CHLSN: variants seen among roughly 807,000 people sequenced by gnomAD.
The protein encoded by CHLSN is protein cholesin.
At chr7:1,084,669 G>A in the CHLSN span, among the ~76,000 whole-genome samples, 1 of 152,234 alleles carries the variant, frequency 6.6e-6, no homozygotes, top group Non-Finnish European at 1.5e-5. Context: ...GACAAGGGGT[G>A]TGTGGGATCT....
chr7:1,131,661 G>C, the CHLSN span, among the ~76,000 whole-genome samples: 2 of 152,194 alleles, frequency 1.3e-5, no homozygotes, highest in South Asian at 2.1e-4. Context: ...AAAGACAAGA[G>C]ACCATGCCAG....
At chr7:1,004,832 A>G in the CHLSN span, among the ~76,000 whole-genome samples, 1 of 152,186 alleles carries the variant, frequency 6.6e-6, no homozygotes, top group Non-Finnish European at 1.5e-5. Context: ...AAGGAAAGAG[A>G]GCAGTCAGAG....
At chr7:1,120,038 G>A in the CHLSN span, among the ~76,000 whole-genome samples, 1 of 151,868 alleles carries the variant, frequency 6.6e-6, no homozygotes, top group Non-Finnish European at 1.5e-5. Flanking sequence ...GAAAAAAACA[G>A]AAGTCATAAA....
chr7:1,060,922 G>A, the CHLSN span, among the ~76,000 whole-genome samples: 4 of 152,200 alleles, frequency 2.6e-5, no homozygotes, highest in South Asian at 4.1e-4. Flanking sequence ...AGCGGCTGGC[G>A]CCGTCAGCCC....
At chr7:994,940 C>T in the CHLSN span, among the ~76,000 whole-genome samples, 3 of 152,262 alleles carry the variant, frequency 2.0e-5, no homozygotes, top group Non-Finnish European at 4.4e-5. Context: ...GATCCGCCAC[C>T]TGGCTTGCTG....
At chr7:978,422 G>A in the CHLSN span, among the ~76,000 whole-genome samples, 2 of 152,184 alleles carry the variant, frequency 1.3e-5, no homozygotes, top group Non-Finnish European at 2.9e-5. Flanking sequence ...AGAGGCTGAG[G>A]TGGGAGGATC....
chr7:1,005,440 G>A, the CHLSN span, among the ~76,000 whole-genome samples: 1 of 152,260 alleles, frequency 6.6e-6, no homozygotes, highest in African/African-American at 2.4e-5. Flanking sequence ...GGAACTGCCA[G>A]CCGCGGTGAG....
the CHLSN span, chr7:983,510 C>G: frequency 2.0e-6 from 2 of 985,674 alleles, no homozygotes; most frequent in Non-Finnish European, 2.7e-6. Flanking sequence ...CAGCGGGGCA[C>G]GCAGGAGGCC....
At chr7:1,055,538 G>T in the CHLSN span, 1 of 435,562 alleles carries the variant, frequency 2.3e-6, no homozygotes, top group Admixed American at 2.4e-5. Context: ...GCTCTGTGCA[G>T]TACAGGCAGG....
At chr7:1,032,162 G>C in the CHLSN span, among the ~76,000 whole-genome samples, 1 of 152,200 alleles carries the variant, frequency 6.6e-6, no homozygotes, top group Non-Finnish European at 1.5e-5. Flanking sequence ...ATGCAGGGTA[G>C]ATGGGCCCCA....
At chr7:983,199 C>T in the CHLSN span, 22 of 1,477,666 alleles carry the variant, frequency 1.5e-5, no homozygotes, top group Non-Finnish European at 2.0e-5. Flanking sequence ...GGAGCCTCAC[C>T]AGCCACGTCC....
chr7:995,193 C>A, the CHLSN span, among the ~76,000 whole-genome samples: 8 of 152,260 alleles, frequency 5.3e-5, no homozygotes, highest in African/African-American at 1.9e-4. Context: ...GGTGCCCTCA[C>A]TGACCTGCAC....
the CHLSN span, among the ~76,000 whole-genome samples, chr7:1,096,006 G>C: frequency 6.6e-6 from 1 of 152,194 alleles, no homozygotes; most frequent in Non-Finnish European, 1.5e-5. This position sits in a 1 kb window ranked among gnomAD's most constrained non-coding sequence, Gnocchi z 4.6. Flanking sequence ...CGTCTGAACA[G>C]AGCCCCAGGC....
At chr7:1,107,582 A>C in the CHLSN span, among the ~76,000 whole-genome samples, 2 of 152,270 alleles carry the variant, frequency 1.3e-5, no homozygotes, top group African/African-American at 4.8e-5. Context: ...AAGCTCAGTC[A>C]ACAAGACAGA....
At chr7:979,735 A>G in the CHLSN span, among the ~76,000 whole-genome samples, 1 of 130,364 alleles carries the variant, frequency 7.7e-6, no homozygotes, top group Admixed American at 7.3e-5. Flanking sequence ...ACTCCGTCTC[A>G]AAAAAAAAAA....
At chr7:1,033,882 G>C in the CHLSN span, among the ~76,000 whole-genome samples, 1 of 152,230 alleles carries the variant, frequency 6.6e-6, no homozygotes, top group Non-Finnish European at 1.5e-5. Context: ...CACATCTGCA[G>C]GTGCTCCTCC....
At chr7:1,093,377 C>T in the CHLSN span, 13 of 436,062 alleles carry the variant, frequency 3.0e-5, no homozygotes, top group East Asian at 3.6e-4. Context: ...GCTAGCGCAC[C>T]GCCGAGTTAA....
chr7:1,076,606 G>A, the CHLSN span, among the ~76,000 whole-genome samples: 3 of 152,386 alleles, frequency 2.0e-5, no homozygotes, highest in Admixed American at 6.5e-5. Flanking sequence ...TGTAAGAAAG[G>A]TCTATGCTTT....
the CHLSN span, chr7:1,025,264 G>C: frequency 3.3e-5 from 5 of 152,336 alleles, 1 homozygote; most frequent in East Asian, 9.6e-4. Context: ...TAAGAGCAAA[G>C]CCTGTGCTTG....
Sources: allele counts gnomAD v4.1 joint callset (sites outside exome capture counted in the v4.1 genomes callset), GRCh38; gene constraint gnomAD v4.1.1; non-coding constraint Gnocchi (gnomAD v3.1); transcripts MANE v1.5; gene names NCBI Gene and HGNC (gene_info 2026-07-23, HGNC 2026-07-21).